The following ZC3H12B variants were observed in gnomAD, a reference collection of about 807,000 sequenced individuals.
ZC3H12B encodes the protein zinc finger CCCH-type containing 12B, also known as probable ribonuclease ZC3H12B.
ZC3H12B carries 7 observed loss-of-function variants against 43.9 expected under a neutral mutation model. The observed-to-expected ratio is 0.16, with a 90% CI of 0.09 to 0.30. The LOEUF is 0.30. Among genes scored for constraint, ZC3H12B ranks in the 10% least tolerant of loss-of-function variants. The pLI, the probability that ZC3H12B is intolerant of heterozygous loss-of-function variation, is 1.00. For synonymous variants in ZC3H12B, 222 were observed against 241.7 expected (o/e 0.92, Z 0.76); for missense variants, 475 against 670.2 (o/e 0.71, Z 3.22).
At chrX:65,357,997 T>C in the ZC3H12B span, among the ~76,000 whole-genome samples, 2 of 101,331 alleles carry the variant, frequency 2.0e-5, no homozygotes, top group East Asian at 5.8e-4. Flanking sequence ...AATGGATGAA[T>C]ATTAACAAAG....
chrX:65,200,885 G>T, the ZC3H12B span, among the ~76,000 whole-genome samples: 1 of 111,840 alleles, frequency 8.9e-6, no homozygotes, highest in Non-Finnish European at 1.9e-5. Flanking sequence ...TCAAGAGGAT[G>T]AAGCGGACTT....
At chrX:65,115,897 G>A in the ZC3H12B span, among the ~76,000 whole-genome samples, 30 of 110,582 alleles carry the variant, frequency 2.7e-4, no homozygotes, top group African/African-American at 9.5e-4. Flanking sequence ...CTTTTTTGAT[G>A]GGATTGTTTT....
At chrX:65,253,873 C>T in the ZC3H12B span, among the ~76,000 whole-genome samples, 1 of 112,149 alleles carries the variant, frequency 8.9e-6, no homozygotes, top group Non-Finnish European at 1.9e-5. Context: ...CACAGCCAGG[C>T]CCCAGATCAT....
At chrX:65,247,866 C>A in the ZC3H12B span, among the ~76,000 whole-genome samples, 1 of 111,453 alleles carries the variant, frequency 9.0e-6, no homozygotes, top group Non-Finnish European at 1.9e-5. Context: ...GTACTTGTAG[C>A]CTTGAAATTA....
At chrX:65,429,336 C>T (rs1305912328) in intron 3 of ZC3H12B, among the ~76,000 whole-genome samples, 1 of 112,503 alleles carries the variant, frequency 8.9e-6, no homozygotes, top group African/African-American at 3.2e-5. Context: ...CTCTCCAGGG[C>T]CCACAGGCTA....
At chrX:65,322,953 G>A in the ZC3H12B span, among the ~76,000 whole-genome samples, 1 of 111,244 alleles carries the variant, frequency 9.0e-6, no homozygotes, top group African/African-American at 3.3e-5. Flanking sequence ...TTATTTCTAA[G>A]TATTATATTT....
At chrX:65,386,673 C>G (rs777860496) in intron 2 of ZC3H12B, among the ~76,000 whole-genome samples, 6 of 111,420 alleles carry the variant, frequency 5.4e-5, no homozygotes, top group African/African-American at 2.0e-4. Context: ...GTAGTTATTT[C>G]TTGCCTTCTG....
Position 65,499,630 on chromosome X carries a change from C to A in ZC3H12B, c.984-253C>A, listed in dbSNP as rs768035109. 8.1e-5 allele frequency among the ~76,000 whole-genome samples: 9 copies of A among 111,116 alleles called. No homozygotes were observed. In the South Asian group the frequency reaches 3.1e-3, roughly 38 times the overall value. On this transcript the variant is annotated intron_variant, in intron 3 of 4. Coordinates refer to ENST00000338957, the Ensembl canonical transcript of ZC3H12B. ...GAAAGTGGGTAGCATGTTGGGGGAA[C>A]CAGCAGACATGCCAGTACGGCTCAA...
At chrX:65,230,314 C>G in the ZC3H12B span, among the ~76,000 whole-genome samples, 13,075 of 108,311 alleles carry the variant, frequency 0.12, 2,008 homozygotes, top group African/African-American at 0.41. Context: ...TTTTCTCACT[C>G]ATCGGTGGGA....
the ZC3H12B span, among the ~76,000 whole-genome samples, chrX:65,230,076 A>G: frequency 9.0e-6 from 1 of 111,292 alleles, no homozygotes; most frequent in African/African-American, 3.3e-5. Flanking sequence ...CTATAAAGAC[A>G]CATGCACACG....
chrX:65,299,893 G>A, the ZC3H12B span, among the ~76,000 whole-genome samples: 1 of 112,477 alleles, frequency 8.9e-6, no homozygotes, highest in Non-Finnish European at 1.9e-5. Flanking sequence ...TGGGGAACCT[G>A]AGGTTCCAGA....
the ZC3H12B span, among the ~76,000 whole-genome samples, chrX:65,154,298 C>A: frequency 3.6e-5 from 4 of 111,872 alleles, no homozygotes; most frequent in South Asian, 3.7e-4. Context: ...TCGTATACAT[C>A]TTTTGTTAAA....
At chrX:65,445,098 C>A (rs1454139960) in intron 3 of ZC3H12B, among the ~76,000 whole-genome samples, 1 of 112,074 alleles carries the variant, frequency 8.9e-6, no homozygotes, top group South Asian at 3.7e-4. Flanking sequence ...TGATAGGATT[C>A]TGAATTCCTT....
chrX:65,041,860 A>T, the ZC3H12B span, among the ~76,000 whole-genome samples: 2 of 111,898 alleles, frequency 1.8e-5, no homozygotes, highest in African/African-American at 6.5e-5. Context: ...ACTAAAATCC[A>T]GCATTTCTGA....
the ZC3H12B span, among the ~76,000 whole-genome samples, chrX:65,183,951 T>G: frequency 9.0e-6 from 1 of 111,091 alleles, no homozygotes; most frequent in African/African-American, 3.3e-5. Flanking sequence ...GGGTGGTGTG[T>G]GGGATAATTT....
intron 1 of ZC3H12B, among the ~76,000 whole-genome samples, chrX:65,495,395 A>G (rs1329238153): frequency 8.9e-6 from 1 of 112,144 alleles, no homozygotes; most frequent in Non-Finnish European, 1.9e-5. Flanking sequence ...GAATTCATTG[A>G]AAGGGAACAA....
the ZC3H12B span, among the ~76,000 whole-genome samples, chrX:65,313,174 C>T: frequency 8.9e-6 from 1 of 111,916 alleles, no homozygotes; most frequent in Non-Finnish European, 1.9e-5. Flanking sequence ...AGCCACCATG[C>T]CCTGCCTGGT....
the ZC3H12B span, among the ~76,000 whole-genome samples, chrX:65,182,721 CAA>C: frequency 1.1e-5 from 1 of 89,099 alleles, no homozygotes; most frequent in African/African-American, 3.9e-5. Flanking sequence ...GTTTCACAAA[CAA>C]AAAAAAAAAC....
At chrX:65,381,485 T>C (rs367797068) in intron 2 of ZC3H12B, among the ~76,000 whole-genome samples, 2 of 110,322 alleles carry the variant, frequency 1.8e-5, no homozygotes, top group Non-Finnish European at 3.8e-5. Flanking sequence ...GCACTAAATG[T>C]CCACAAGAGA....
Sources: gnomAD v4.1 joint callset for allele counts (sites outside exome capture counted in the v4.1 genomes callset) on GRCh38, gnomAD v4.1.1 for gene constraint, MANE v1.5 for transcripts, NCBI Gene and HGNC (gene_info 2026-07-23, HGNC 2026-07-21) for gene names.